The following PTPRT variants were observed in gnomAD, a reference collection of about 807,000 sequenced individuals.
PTPRT encodes the protein receptor-type tyrosine-protein phosphatase T.
A neutral mutation model predicts 176.8 loss-of-function variants in PTPRT; 56 were observed. The observed-to-expected ratio is 0.32, with a 90% confidence interval of 0.26 to 0.40. PTPRT has a LOEUF of 0.40. Among genes scored for constraint, PTPRT ranks in the 10% least tolerant of loss-of-function variants. PTPRT has a pLI of 1.00. For missense variants in PTPRT, 1,540 were observed against 1,908.2 expected (o/e 0.81, Z 3.60); for synonymous variants, 783 against 739.0 (o/e 1.06, Z -0.96).
intron 2 of PTPRT, among the ~76,000 whole-genome samples, chr20:42,813,798 T>G (rs2077736887): frequency 6.6e-6 from 1 of 152,184 alleles, no homozygotes; most frequent in African/African-American, 2.4e-5. Flanking sequence ...TTTTTAGATT[T>G]TGTGAATATC....
intron 7 of PTPRT, among the ~76,000 whole-genome samples, chr20:42,539,662 A>T (rs957159144): frequency 6.9e-6 from 1 of 145,182 alleles, no homozygotes. Flanking sequence ...ACATGCATTT[A>T]AAAAAAAAAA....
chr20:43,138,175 C>A (rs1176379067), intron 1 of PTPRT, among the ~76,000 whole-genome samples: 1 of 152,236 alleles, frequency 6.6e-6, no homozygotes, highest in Admixed American at 6.5e-5. Flanking sequence ...ATTGCCCGGG[C>A]TCTCTGGACA....
At chr20:42,275,611 A>G (rs1048750434) in intron 13 of PTPRT, among the ~76,000 whole-genome samples, 6 of 152,164 alleles carry the variant, frequency 3.9e-5, no homozygotes, top group African/African-American at 9.7e-5. Context: ...TTTGAGCACA[A>G]CTAGAGAGGC....
chr20:42,632,173 A>G (rs1270056481), intron 7 of PTPRT, among the ~76,000 whole-genome samples: 1 of 152,024 alleles, frequency 6.6e-6, no homozygotes, highest in Non-Finnish European at 1.5e-5. Context: ...GAGAGGATGA[A>G]GCATTGCTGG....
At chr20:42,738,301 C>T (rs983707444) in intron 6 of PTPRT, among the ~76,000 whole-genome samples, 1 of 152,088 alleles carries the variant, frequency 6.6e-6, no homozygotes, top group Non-Finnish European at 1.5e-5. Context: ...CACTTAAGGG[C>T]AGGAGTTTGA....
intron 1 of PTPRT, among the ~76,000 whole-genome samples, chr20:43,084,566 T>G (rs527282224): frequency 1.3e-5 from 2 of 152,276 alleles, no homozygotes; most frequent in East Asian, 3.9e-4. Context: ...ACCAGGTCCC[T>G]CCCTCAACAT....
At chr20:43,002,406 G>A (rs1179282090) in intron 1 of PTPRT, among the ~76,000 whole-genome samples, 1 of 152,068 alleles carries the variant, frequency 6.6e-6, no homozygotes, top group Non-Finnish European at 1.5e-5. Flanking sequence ...CGATATAAAA[G>A]CTTTACGCAT....
At position 43,189,441 on chromosome 20, in the gene PTPRT, A is replaced by AG. The variant is rs2015480976; in HGVS notation, c.88+204dup. ...GAACTTCGCCAAACGCGGGCTGCCG[A>AG]GGGACGCGAGGGGCCGGGCTCGCTG... On this transcript the variant is annotated intron_variant, in intron 1 of 30. Transcript: ENST00000373187. This position sits in a 1 kb window ranked among gnomAD's most constrained non-coding sequence, Gnocchi z 5.0. 6.6e-6 allele frequency among the ~76,000 whole-genome samples: 1 copy of AG among 152,076 alleles called. No homozygotes were observed. The highest frequency in any genetic ancestry group is 6.5e-5 in the Admixed American group (1 of 15,284).
intron 7 of PTPRT, among the ~76,000 whole-genome samples, chr20:42,558,111 G>A (rs535574497): frequency 1.3e-5 from 2 of 152,232 alleles, no homozygotes; most frequent in South Asian, 4.1e-4. Flanking sequence ...GTACCCTTTA[G>A]ATATTTTTCC....
chr20:42,279,202 T>G (rs922324427), intron 13 of PTPRT, among the ~76,000 whole-genome samples: 3 of 152,094 alleles, frequency 2.0e-5, no homozygotes, highest in Non-Finnish European at 4.4e-5. Flanking sequence ...AGCAAAGTGC[T>G]CAAAATGTCT....
chr20:42,059,956 C>A, the PTPRT span, among the ~76,000 whole-genome samples: 8 of 152,252 alleles, frequency 5.3e-5, no homozygotes, highest in East Asian at 3.9e-4. Flanking sequence ...GAGTTGGAAT[C>A]TCCCAGGGCC....
chr20:42,098,475 C>T lies in PTPRT; in HGVS notation c.3792G>A (p.Val1264=), dbSNP rs780794587. Residue 1264 remains valine, a synonymous_variant, in exon 27 of 31, where the codon GTG becomes GTA. Coordinates refer to ENST00000373187, the MANE Select transcript of PTPRT (RefSeq NM_007050.6). ...PNTVADFWRL[V]FDYNCSSVVM... The stretch of plus-strand genomic sequence containing the variant: ...CCACAGAGGAGCAGTTGTAATCGAA[C>T]ACCAGCCTCCAGAAGTCTGCCACGG... 1.2e-5 allele frequency: 20 copies of T among 1,614,202 alleles called. No individual in the cohort carries two copies. The South Asian group carries it at 2.0e-4, about 16-fold the overall frequency.
chr20:42,703,963 T>C (rs2146172372), intron 6 of PTPRT, among the ~76,000 whole-genome samples: 1 of 152,238 alleles, frequency 6.6e-6, no homozygotes, highest in South Asian at 2.1e-4. Context: ...ACCTAAACAA[T>C]CTTACACAAC....
chr20:42,425,498 G>T (rs984034558), intron 9 of PTPRT, among the ~76,000 whole-genome samples: 1 of 152,124 alleles, frequency 6.6e-6, no homozygotes. Context: ...CTTGGTCAAT[G>T]GATGCAAAGG....
chr20:42,315,837 G>A lies in PTPRT; in HGVS notation c.2025C>T (p.Val675=), dbSNP rs1162153722. 6.2e-7 allele frequency: 1 copy of A among 1,614,180 alleles called. No individual in the cohort carries two copies. Among genetic ancestry groups the A allele is most frequent in the South Asian group, 1.1e-5 (1 of 91,068 alleles). The change falls in exon 12 of 31, where the codon GTC becomes GTT. Residue 675 remains valine, a synonymous_variant. Transcript: ENST00000373187. ...TGTCACCCACTGTAAATGGCTGGGT[G>A]ACAGGCAGGTTGGCAGGCTTCAACT... The part of the protein sequence containing the change: ...AAELKPANLP[V]TQPFTVGDNK...
chr20:42,337,467 G>A (rs900486077), intron 11 of PTPRT, among the ~76,000 whole-genome samples: 2 of 152,160 alleles, frequency 1.3e-5, no homozygotes, highest in Admixed American at 1.3e-4. Context: ...TATTGTGAGT[G>A]TACAGTCAAT....
At chr20:42,626,875 G>A (rs763799550) in intron 7 of PTPRT, among the ~76,000 whole-genome samples, 43 of 152,306 alleles carry the variant, frequency 2.8e-4, no homozygotes, top group Non-Finnish European at 5.6e-4. Context: ...AGGTTCCTTG[G>A]CCAAAACCTC....
At chr20:42,556,907 A>G (rs935603809) in intron 7 of PTPRT, among the ~76,000 whole-genome samples, 20 of 152,200 alleles carry the variant, frequency 1.3e-4, no homozygotes, top group Admixed American at 2.6e-4. Context: ...TCAATCAGAA[A>G]GAGCTACTCC....
At chr20:42,379,555 G>A in intron 9 of PTPRT, among the ~76,000 whole-genome samples, 1 of 152,204 alleles carries the variant, frequency 6.6e-6, no homozygotes, top group African/African-American at 2.4e-5. Flanking sequence ...AGCCTGTGGA[G>A]GGCAGCAGGA....
Sources: allele counts gnomAD v4.1 joint callset (sites outside exome capture counted in the v4.1 genomes callset), GRCh38; gene constraint gnomAD v4.1.1; non-coding constraint Gnocchi (gnomAD v3.1); transcripts MANE v1.5; gene names NCBI Gene and HGNC (gene_info 2026-07-23, HGNC 2026-07-21).